Variants in AHRR observed in about 807,000 individuals in gnomAD.
AHRR encodes the protein aryl hydrocarbon receptor repressor.
In AHRR, 28 loss-of-function variants were observed where a neutral mutation model predicts 44.0. The observed-to-expected ratio is 0.64, with a 90% CI of 0.47 to 0.87. The LOEUF is 0.87. AHRR is among the 40% of genes least tolerant of loss of function. The probability of loss-of-function intolerance (pLI) is 0.00; values close to 1 mark genes in which losing one functional copy is unlikely to be tolerated. For synonymous variants in AHRR, 434 were observed against 407.0 expected (o/e 1.07, Z -0.80); for missense variants, 990 against 953.9 (o/e 1.04, Z -0.50).
intron 3 of AHRR, 47 bp from the exon 4 acceptor site, chr5:376,563 C>T: frequency 1.0e-5 from 2 of 195,232 alleles, no homozygotes; most frequent in Non-Finnish European, 1.8e-5. Context: ...GAAGAGTGGC[C>T]AGGCCAAGGG....
intron 5 of AHRR, 87 bp downstream of exon 5, chr5:413,520 A>G: frequency 9.4e-7 from 1 of 1,066,010 alleles, no homozygotes; most frequent in Middle Eastern, 2.1e-4. Flanking sequence ...AGGTTTGATA[A>G]TGTGTAAAAT....
chr5:421,001 T>C (rs1392748551), intron 5 of AHRR: 6 of 421,364 alleles, frequency 1.4e-5, no homozygotes, highest in Non-Finnish European at 2.6e-5. Context: ...TGGTTCTTCT[T>C]ATGGTTCAGG....
At chr5:391,475 G>T (rs866464223) in intron 4 of AHRR, among the ~76,000 whole-genome samples, 2 of 74,116 alleles carry the variant, frequency 2.7e-5, no homozygotes, top group African/African-American at 3.2e-4. Flanking sequence ...CGTGCACGGG[G>T]GCAGGGCGAG....
rs933063541 is a variant in AHRR, at chr5:405,730, G to A, written c.352-7614G>A. 6.6e-6 allele frequency among the ~76,000 whole-genome samples: 1 copy of A among 152,228 alleles called. No homozygotes were observed. The highest frequency in any genetic ancestry group is 1.9e-4 in the East Asian group (1 of 5,198). Reference sequence around the variant, plus strand: ...AGCTCCTCCGCTCTCTCCATCGGTCGTAACATCTTACTGCTCCCCTCGCAG... The same window carrying A: ...AGCTCCTCCGCTCTCTCCATCGGTCATAACATCTTACTGCTCCCCTCGCAG... On this transcript the variant is annotated intron_variant, in intron 4 of 10. Coordinates refer to ENST00000684583, the MANE Select transcript of AHRR (RefSeq NM_001377236.1). The surrounding 1 kb of genome is among the most constrained non-coding windows in gnomAD (Gnocchi z 4.5).
At chr5:403,782 A>G in intron 4 of AHRR, 1 of 1,532,274 alleles carries the variant, frequency 6.5e-7, no homozygotes, top group East Asian at 2.3e-5. Flanking sequence ...CTTTGTTCAA[A>G]GGGTCTCTTT....
rs1174260101 is a variant in AHRR, at chr5:422,570, G to C, written c.442-159G>C. ...AGACATCTTCTCAGGAGGGAGTGGG[G>C]AACCGGGGCCAAGCGCCGTCTCTTC... On this transcript the variant is annotated intron_variant, in intron 5 of 10. Transcript: ENST00000684583. 5.3e-6 allele frequency: 5 copies of C among 946,386 alleles called. No homozygotes were observed. The African/African-American group carries it at 8.1e-5, about 15-fold the overall frequency. 58.6% of individuals were successfully genotyped at this position (946,386 alleles called of 1,614,324 possible).
In AHRR at chr5:394,661, T is replaced by C. The variant is rs180990494; in HGVS notation, c.351+17945T>C. ...TCCTCCCTGTGTGCTGGAACCCTGCTTGTCTTCGCCCGTTGCTTGGCTCCA... is the reference window on the plus strand; with the variant it reads ...TCCTCCCTGTGTGCTGGAACCCTGCCTGTCTTCGCCCGTTGCTTGGCTCCA... On this transcript the variant is annotated intron_variant, in intron 4 of 10. Transcript: ENST00000684583. 2.6e-4 allele frequency among the ~76,000 whole-genome samples: 39 copies of C among 151,238 alleles called. 1 individual carries two copies. Among genetic ancestry groups the C allele is most frequent in the Non-Finnish European group, 1.9e-4 (13 of 67,536 alleles).
At chr5:344,235 A>G (rs1357813387) in intron 2 of AHRR, among the ~76,000 whole-genome samples, 1 of 150,520 alleles carries the variant, frequency 6.6e-6, no homozygotes, top group Non-Finnish European at 1.5e-5. Flanking sequence ...GCTGAGGCCA[A>G]GGACGCGGGC....
intron 4 of AHRR, among the ~76,000 whole-genome samples, chr5:403,170 C>T (rs538513784): frequency 2.1e-4 from 32 of 152,124 alleles, no homozygotes; most frequent in Non-Finnish European, 3.7e-4. Flanking sequence ...TAGGCAAATT[C>T]GGAGGCAGAA....
rs1484968231 is a variant in AHRR, at chr5:338,957, A to G, written c.-10-4936A>G. Among the ~76,000 whole-genome samples, 2 of 152,220 alleles carry G rather than the reference A, an allele frequency of 1.3e-5. No homozygotes were observed. The highest frequency in any genetic ancestry group is 4.8e-5 in the African/African-American group (2 of 41,460). Reference sequence around the variant, plus strand: ...TTTTATTGGGGTGCTATTGTAAATGATACTAGTTTTTAAAAATCTGAATTC... The same window carrying G: ...TTTTATTGGGGTGCTATTGTAAATGGTACTAGTTTTTAAAAATCTGAATTC... On this transcript the variant is annotated intron_variant, in intron 1 of 10. Coordinates refer to ENST00000684583, the MANE Select transcript of AHRR (RefSeq NM_001377236.1). The surrounding 1 kb of genome is among the most constrained non-coding windows in gnomAD (Gnocchi z 4.1).
At chr5:377,875 C>T (rs2126447493) in intron 4 of AHRR, among the ~76,000 whole-genome samples, 1 of 152,348 alleles carries the variant, frequency 6.6e-6, no homozygotes, top group African/African-American at 2.4e-5. Flanking sequence ...TTGGAAGAGG[C>T]ATGGAGGCTG....
chr5:419,200 T>A lies in AHRR; in HGVS notation c.442-3529T>A, dbSNP rs1366283699. The A allele has an allele frequency of 1.3e-5, 2 of 151,506 alleles. No homozygotes were observed. The highest frequency in any genetic ancestry group is 2.9e-5 in the Non-Finnish European group (2 of 68,018). 9.4% of individuals were successfully genotyped at this position (151,506 alleles called of 1,614,324 possible). A position where few individuals can be genotyped will look rare whatever the true frequency, so the allele number is the denominator to read the frequency against. Reference sequence around the variant, plus strand: ...TTTTTTTTTTGAGACAGTCTTGCTCTGTTGTCCAGGCTGGAGTGCAGTGGC... The same window carrying A: ...TTTTTTTTTTGAGACAGTCTTGCTCAGTTGTCCAGGCTGGAGTGCAGTGGC... On this transcript the variant is annotated intron_variant, in intron 5 of 10. Coordinates refer to ENST00000684583, the MANE Select transcript of AHRR (RefSeq NM_001377236.1). The surrounding 1 kb of genome is among the most constrained non-coding windows in gnomAD (Gnocchi z 4.4).
intron 7 of AHRR, 96 bp from the exon 8 acceptor site, chr5:427,711 T>G (rs373538589): frequency 1.4e-5 from 23 of 1,613,632 alleles, no homozygotes; most frequent in African/African-American, 2.7e-5. Context: ...TCCCTACGAA[T>G]TCCAGCCGCT....
chr5:413,405 C>T lies in AHRR; in HGVS notation c.413C>T (p.Thr138Met), dbSNP rs533137778. 38 of 1,613,680 alleles carry T rather than the reference C, an allele frequency of 2.4e-5. No homozygotes were observed. Among genetic ancestry groups the T allele is most frequent in the African/African-American group, 6.7e-5 (5 of 74,948 alleles). Reference sequence around the variant, plus strand: ...GGGACGATATTTTATGCATCAGCAACGATCGTGGACTATCTGGGCTTCCAT... The same window carrying T: ...GGGACGATATTTTATGCATCAGCAATGATCGTGGACTATCTGGGCTTCCAT... ...AEGTIFYASA[T>M]IVDYLGFHQT... The change falls in exon 5 of 11, where the codon ACG becomes ATG. Residue 138 changes from threonine to methionine, a missense_variant. Transcript: ENST00000684583.
At position 326,329 on chromosome 5, in the gene AHRR, A is replaced by G. The variant is rs1031916317; in HGVS notation, c.-11+4510A>G. Reference sequence around the variant, plus strand: ...TTGCCTACTCAGGATATATCATGCAATGGGGTCAGTGTGTGTCCTTCTGTG... The same window carrying G: ...TTGCCTACTCAGGATATATCATGCAGTGGGGTCAGTGTGTGTCCTTCTGTG... On this transcript the variant is annotated intron_variant, in intron 1 of 10. Transcript: ENST00000684583. This position sits in a 1 kb window ranked among gnomAD's most constrained non-coding sequence, Gnocchi z 4.1. Among the ~76,000 whole-genome samples the G allele has an allele frequency of 7.2e-5, 11 of 152,166 alleles. No individual in the cohort carries two copies. Among genetic ancestry groups the G allele is most frequent in the East Asian group, 1.9e-4 (1 of 5,202 alleles).
At chr5:431,778 C>T (rs1358853906) in intron 8 of AHRR, among the ~76,000 whole-genome samples, 1 of 152,200 alleles carries the variant, frequency 6.6e-6, no homozygotes, top group Non-Finnish European at 1.5e-5. Flanking sequence ...GTCAACACAC[C>T]CTGTGCTTTG....
At chr5:400,405 T>C (rs528307428) in intron 4 of AHRR, among the ~76,000 whole-genome samples, 2 of 152,310 alleles carry the variant, frequency 1.3e-5, no homozygotes, top group South Asian at 4.1e-4. Context: ...CGACCTCCGT[T>C]GTCCTTGCGA....
At chr5:393,325 G>A (rs763280255) in intron 4 of AHRR, among the ~76,000 whole-genome samples, 7 of 152,216 alleles carry the variant, frequency 4.6e-5, no homozygotes, top group Non-Finnish European at 7.3e-5. Flanking sequence ...CTAACGTTAC[G>A]TGTCTCATCC....
At chr5:339,463 TAG>T (rs1222204413) in intron 1 of AHRR, among the ~76,000 whole-genome samples, 3 of 152,218 alleles carry the variant, frequency 2.0e-5, no homozygotes, top group Non-Finnish European at 4.4e-5. Context: ...TGCGAACAGA[TAG>T]AGTTTTCTTT....
Sources: gnomAD v4.1 joint callset for allele counts (sites outside exome capture counted in the v4.1 genomes callset) on GRCh38, gnomAD v4.1.1 for gene constraint, Gnocchi (gnomAD v3.1) non-coding constraint, MANE v1.5 for transcripts, NCBI Gene and HGNC (gene_info 2026-07-23, HGNC 2026-07-21) for gene names.